ABTB3: variants seen among roughly 807,000 people sequenced by gnomAD.
ABTB3 encodes ankyrin repeat- and BTB/POZ domain-containing protein 3.
chr12:107,475,788 A>G, the ABTB3 span, among the ~76,000 whole-genome samples: 47 of 152,212 alleles, frequency 3.1e-4, no homozygotes, highest in Non-Finnish European at 4.9e-4. Context: ...CAAGGCTGAC[A>G]TGAAAGCCCT....
the ABTB3 span, among the ~76,000 whole-genome samples, chr12:107,479,266 A>T: frequency 6.6e-6 from 1 of 151,998 alleles, no homozygotes; most frequent in African/African-American, 2.4e-5. Context: ...TCCATCTGGG[A>T]TGCCCCTTGA....
At chr12:107,619,180 G>A in the ABTB3 span, among the ~76,000 whole-genome samples, 20,459 of 152,176 alleles carry the variant, frequency 0.13, 1,535 homozygotes, top group East Asian at 0.28. Context: ...TCTGTGGAAC[G>A]TTTGTGCCAT....
chr12:107,558,736 C>T, the ABTB3 span, among the ~76,000 whole-genome samples: 1 of 152,216 alleles, frequency 6.6e-6, no homozygotes, highest in Non-Finnish European at 1.5e-5. Context: ...TCATGCCAGG[C>T]CCTGTGACGA....
chr12:107,591,537 C>A, the ABTB3 span, among the ~76,000 whole-genome samples: 1 of 152,108 alleles, frequency 6.6e-6, no homozygotes, highest in Non-Finnish European at 1.5e-5. Flanking sequence ...GGAAGTCCAC[C>A]CCCATGATCC....
chr12:107,482,634 C>T, the ABTB3 span, among the ~76,000 whole-genome samples: 1 of 151,998 alleles, frequency 6.6e-6, no homozygotes, highest in Non-Finnish European at 1.5e-5. Context: ...TCTAGTCTGC[C>T]CATGATCCCC....
chr12:107,367,961 C>T, the ABTB3 span, among the ~76,000 whole-genome samples: 7 of 152,130 alleles, frequency 4.6e-5, no homozygotes, highest in South Asian at 2.1e-4. Context: ...TTTATAGAAA[C>T]GATATTGCAC....
chr12:107,326,584 C>T, the ABTB3 span, among the ~76,000 whole-genome samples: 1 of 152,316 alleles, frequency 6.6e-6, no homozygotes, highest in East Asian at 1.9e-4. Context: ...AAAACACATT[C>T]TCTTTTCCCT....
At chr12:107,444,389 A>G in the ABTB3 span, among the ~76,000 whole-genome samples, 22 of 152,188 alleles carry the variant, frequency 1.4e-4, no homozygotes, top group African/African-American at 4.8e-4. Flanking sequence ...CCTGTTAGGG[A>G]CACTGGCCTG....
the ABTB3 span, among the ~76,000 whole-genome samples, chr12:107,324,016 G>A: frequency 6.6e-6 from 1 of 152,152 alleles, no homozygotes; most frequent in Non-Finnish European, 1.5e-5. Context: ...TCTTAGGTAT[G>A]CGACCCAACC....
At chr12:107,618,182 C>T in the ABTB3 span, 1 of 1,614,102 alleles carries the variant, frequency 6.2e-7, no homozygotes, top group Non-Finnish European at 8.5e-7. Flanking sequence ...AACTGCTCGC[C>T]CAGCCAGAGA....
At chr12:107,500,874 T>C in the ABTB3 span, among the ~76,000 whole-genome samples, 1 of 152,302 alleles carries the variant, frequency 6.6e-6, no homozygotes, top group South Asian at 2.1e-4. Flanking sequence ...TTTAAGTGGC[T>C]CTTCATTAAT....
chr12:107,566,648 TACACACACACAC>T, the ABTB3 span, among the ~76,000 whole-genome samples: 5 of 136,364 alleles, frequency 3.7e-5, no homozygotes, highest in African/African-American at 9.0e-5. Context: ...CTAATTTAAA[TACACACACACAC>T]ACACACACAC....
the ABTB3 span, among the ~76,000 whole-genome samples, chr12:107,578,007 T>TA: frequency 9.6e-4 from 141 of 147,246 alleles, no homozygotes; most frequent in African/African-American, 1.9e-3. Flanking sequence ...ATTGTTCTCT[T>TA]AAAAAAAAAA....
At chr12:107,587,051 C>T in the ABTB3 span, among the ~76,000 whole-genome samples, 2 of 152,186 alleles carry the variant, frequency 1.3e-5, no homozygotes, top group Non-Finnish European at 2.9e-5. Context: ...AGGTGGGAAA[C>T]TGTTGGAAGG....
chr12:107,376,496 G>A, the ABTB3 span, among the ~76,000 whole-genome samples: 1 of 152,162 alleles, frequency 6.6e-6, no homozygotes, highest in African/African-American at 2.4e-5. Context: ...ACACCTCACA[G>A]TGTTGTGTCT....
chr12:107,325,281 C>T, the ABTB3 span, among the ~76,000 whole-genome samples: 2 of 152,190 alleles, frequency 1.3e-5, no homozygotes, highest in African/African-American at 4.8e-5. Context: ...CTTGCTCAGC[C>T]GTTTTCCTGT....
At chr12:107,457,229 T>TA in the ABTB3 span, among the ~76,000 whole-genome samples, 1 of 152,196 alleles carries the variant, frequency 6.6e-6, no homozygotes, top group African/African-American at 2.4e-5. Flanking sequence ...CTGCCTGTGT[T>TA]AGCCTGGAAT....
chr12:107,391,371 C>T, the ABTB3 span, among the ~76,000 whole-genome samples: 1 of 152,186 alleles, frequency 6.6e-6, no homozygotes, highest in Admixed American at 6.5e-5. Flanking sequence ...GGCCGGACCA[C>T]CTCTTGTAAG....
the ABTB3 span, chr12:107,642,319 C>T: frequency 1.0e-5 from 7 of 675,160 alleles, no homozygotes; most frequent in African/African-American, 3.6e-5. Flanking sequence ...CCTCACAGTG[C>T]CCCTTCCGTT....
Sources: gnomAD v4.1 joint callset for allele counts (sites outside exome capture counted in the v4.1 genomes callset) on GRCh38, gnomAD v4.1.1 for gene constraint, MANE v1.5 for transcripts, NCBI Gene and HGNC (gene_info 2026-07-23, HGNC 2026-07-21) for gene names.